WNT4: variants seen among roughly 807,000 people sequenced by gnomAD.
WNT4 encodes protein Wnt-4.
In WNT4, 16 loss-of-function variants were observed where a neutral mutation model predicts 34.5. That is an observed-to-expected ratio of 0.46 (90% CI 0.31 to 0.70). WNT4 has a LOEUF of 0.70. Ranked by LOEUF, WNT4 falls within the 30% of genes least tolerant of loss-of-function variation. The pLI is 0.04. For missense variants in WNT4, 379 were observed against 495.9 expected (o/e 0.76, Z 2.24); for synonymous variants, 200 against 211.9 (o/e 0.94, Z 0.49).
chr1:22,129,653 G>A lies in WNT4; in HGVS notation c.276C>T (p.Leu92=), dbSNP rs16826648. ...FRNRRWNCST[L]DSLPVFGKVV... is the part of the protein sequence containing the mutation. ...CCTTGCCGAAGACGGGCAAGGAGTC[G>A]AGTGTGGAGCAGTTCCAGCGCCGGT... The change falls in exon 2 of 5, where the codon CTC becomes CTT. Residue 92 remains leucine (L), a synonymous_variant. Transcript: ENST00000290167. The A allele has an allele frequency of 1.7e-3, 2,817 of 1,613,726 alleles. 37 individuals carry two copies. The African/African-American group carries it at 0.033, about 19-fold the overall frequency.
At chr1:22,135,626 G>A (rs1352084899) in intron 1 of WNT4, among the ~76,000 whole-genome samples, 2 of 152,198 alleles carry the variant, frequency 1.3e-5, no homozygotes, top group African/African-American at 4.8e-5. Flanking sequence ...CAGTATGGAA[G>A]CCTGTGGTCT....
rs1428180383 is a variant in WNT4, at chr1:22,139,865, CAGT to C, written c.77+2978_77+2980del. ...ACTCTTCATCCATCGGGCCCTCCCT[CAGT>C]GGTGGGAGCCGTCACAAGCTGTCAG... On this transcript the variant is annotated intron_variant, in intron 1 of 4. Transcript: ENST00000290167. This position sits in a 1 kb window ranked among gnomAD's most constrained non-coding sequence, Gnocchi z 4.6. 6.6e-6 allele frequency among the ~76,000 whole-genome samples: 1 copy of C among 152,206 alleles called. No homozygotes were observed. Among genetic ancestry groups the C allele is most frequent in the African/African-American group, 2.4e-5 (1 of 41,446 alleles).
rs758963338 is a variant in WNT4, at chr1:22,121,229, G to T, written c.570C>A (p.Asn190Lys). 3 of 1,614,092 alleles carry T rather than the reference G, an allele frequency of 1.9e-6. No homozygotes were observed. The highest frequency in any genetic ancestry group is 1.3e-5 in the African/African-American group (1 of 75,034). The change falls in exon 4 of 5, where the codon AAC becomes AAA. Residue 190 changes from asparagine (N) to lysine (K), a missense_variant. Physicochemically the swap from Asn to Lys is moderately conservative, Grantham distance 94 (BLOSUM62 0). This residue lies in a region of WNT4 where 313 missense variants were observed against 445.8 expected (regional missense o/e 0.70). Transcript: ENST00000290167. Reference protein sequence around the residue: ...SSSRALMNLHNNEAGRKAILT... With the variant: ...SSSRALMNLHKNEAGRKAILT... ...ACACTACCTTCCTGCCGGCCTCATT[G>T]TTGTGGAGGTTCATGAGGGCTCTGC...
intron 2 of WNT4, 28 bp from the exon 3 acceptor site, chr1:22,121,604 TG>T: frequency 6.2e-7 from 1 of 1,609,278 alleles, no homozygotes; most frequent in Non-Finnish European, 8.5e-7. Flanking sequence ...AGGGCAGAGC[TG>T]GGTCCCAGGG....
chr1:22,141,368 C>T (rs546153812), intron 1 of WNT4, among the ~76,000 whole-genome samples: 7 of 152,206 alleles, frequency 4.6e-5, no homozygotes, highest in East Asian at 1.9e-4. Flanking sequence ...TGGAGGCCCC[C>T]GCTCTGAACC....
In WNT4 at chr1:22,119,187, CGTGTGTGTGTGTGT is replaced by C. The variant is rs71016989; in HGVS notation, c.*849_*862del. On this transcript the variant is annotated 3_prime_UTR_variant, in exon 5 of 5. Transcript: ENST00000290167. Reference sequence around the variant, plus strand: ...TCTCTCGCAGGTGTGTGTGTGTGTCCGTGTGTGTGTGTGTGTGTGTGTGTGTGTGTGTGTGTGTG... The same window carrying C: ...TCTCTCGCAGGTGTGTGTGTGTGTCCGTGTGTGTGTGTGTGTGTGTGTGTG... 1 of 34,822 alleles carries C rather than the reference CGTGTGTGTGTGTGT, an allele frequency of 2.9e-5. No homozygotes were observed. The highest frequency in any genetic ancestry group is 5.6e-5 in the Non-Finnish European group (1 of 17,880). 2.2% of individuals were successfully genotyped at this position (34,822 alleles called of 1,614,324 possible). A position where few individuals can be genotyped will look rare whatever the true frequency, so the allele number is the denominator to read the frequency against.
chr1:22,127,151 T>C (rs764130060), intron 2 of WNT4: 11 of 392,120 alleles, frequency 2.8e-5, no homozygotes, highest in Non-Finnish European at 5.4e-5. Flanking sequence ...ACCTGCCGAG[T>C]GTGACTGGCT....
intron 2 of WNT4, among the ~76,000 whole-genome samples, chr1:22,123,102 G>T (rs1645915133): frequency 6.6e-6 from 1 of 152,208 alleles, no homozygotes; most frequent in Non-Finnish European, 1.5e-5. Flanking sequence ...TCAGTTTCTG[G>T]TATTTCTGGT....
At chr1:22,125,833 TCCCTCCCA>T (rs1312413472) in intron 2 of WNT4, among the ~76,000 whole-genome samples, 1 of 152,176 alleles carries the variant, frequency 6.6e-6, no homozygotes. Flanking sequence ...CGCTATGGCC[TCCCTCCCA>T]CCCTCACACC....
rs938682094 is a variant in WNT4, at chr1:22,120,314, C to T, written c.792G>A (p.Pro264=). 51 of 1,614,228 alleles carry T rather than the reference C, an allele frequency of 3.2e-5. No individual in the cohort carries two copies. The highest frequency in any genetic ancestry group is 4.0e-5 in the Non-Finnish European group (47 of 1,180,044). ...ALVPRNAQFK[P]HTDEDLVYLE... is the part of the protein sequence containing the mutation. ...AGTACACCAGGTCCTCATCTGTGTGCGGCTTGAACTGTGCGTTGCGTGGCA... is the reference window on the plus strand; with the variant it reads ...AGTACACCAGGTCCTCATCTGTGTGTGGCTTGAACTGTGCGTTGCGTGGCA... The change falls in exon 5 of 5, where the codon CCG becomes CCA. Residue 264 remains proline (P), a synonymous_variant. Coordinates refer to ENST00000290167, the MANE Select transcript of WNT4 (RefSeq NM_030761.5).
chr1:22,132,594 T>C (rs1162342978), intron 1 of WNT4, among the ~76,000 whole-genome samples: 1 of 152,048 alleles, frequency 6.6e-6, no homozygotes, highest in Non-Finnish European at 1.5e-5. Context: ...ATTGAATAAG[T>C]AGTAAGATGG....
At chr1:22,120,666 G>T in intron 4 of WNT4, 149 bp from the exon 5 acceptor site, 1 of 765,708 alleles carries the variant, frequency 1.3e-6, no homozygotes, top group Non-Finnish European at 2.1e-6. Flanking sequence ...GAATTACGCG[G>T]TACTGGGCTG....
At position 22,120,218 on chromosome 1, in the gene WNT4, G is replaced by A; in HGVS notation, c.888C>T (p.Cys296=). 5 of 1,614,040 alleles carry A rather than the reference G, an allele frequency of 3.1e-6. No individual in the cohort carries two copies. The highest frequency in any genetic ancestry group is 4.2e-6 in the Non-Finnish European group (5 of 1,180,006). Residue 296 remains cysteine, a synonymous_variant, in exon 5 of 5, where the codon TGC becomes TGT. Transcript: ENST00000290167. Reference sequence around the variant, plus strand: ...CGTCGATGGCCTTGGACGTCTTGTTGCATGTGCGGCCCCTCGTGCCCAGCA... The same window carrying A: ...CGTCGATGGCCTTGGACGTCTTGTTACATGTGCGGCCCCTCGTGCCCAGCA... ...SGVLGTRGRT[C]NKTSKAIDGC... is the part of the protein sequence containing the mutation.
chr1:22,121,377 G>A, intron 3 of WNT4, 24 bp from the exon 4 acceptor site: 1 of 1,613,998 alleles, frequency 6.2e-7, no homozygotes, highest in Non-Finnish European at 8.5e-7. Flanking sequence ...GGCACAGAAA[G>A]GGCTGCGGTG....
rs1645878715 is a variant in WNT4, at chr1:22,119,773, C to CT, written c.*276dup. The CT allele has an allele frequency of 1.8e-6, 1 of 552,962 alleles. No homozygotes were observed. The highest frequency in any genetic ancestry group is 3.1e-5 in the Admixed American group (1 of 32,270). 34.3% of individuals were successfully genotyped at this position (552,962 alleles called of 1,614,324 possible). A position where few individuals can be genotyped will look rare whatever the true frequency, so the allele number is the denominator to read the frequency against. ...GTAGAAAAACGGACACAGATAACAACTGAGTGGTCAGTGGCAGCCACATGC... is the reference window on the plus strand; with the variant it reads ...GTAGAAAAACGGACACAGATAACAACTTGAGTGGTCAGTGGCAGCCACATGC... On this transcript the variant is annotated 3_prime_UTR_variant, in exon 5 of 5. Transcript: ENST00000290167.
rs1368044752 is a variant in WNT4, at chr1:22,121,250, T to C, written c.549A>G (p.Arg183=). Residue 183 remains arginine, a synonymous_variant, in exon 4 of 5, where the codon AGA becomes AGG. Transcript: ENST00000290167. ...RERSKGASSS[R]ALMNLHNNEA... ...CATTGTTGTGGAGGTTCATGAGGGC[T>C]CTGCTGGACGAGGCCCCCTTGCTTC... 12 of 1,614,158 alleles carry C rather than the reference T, an allele frequency of 7.4e-6. No individual in the cohort carries two copies. The highest frequency in any genetic ancestry group is 1.0e-5 in the Non-Finnish European group (12 of 1,180,032).
At position 22,142,733 on chromosome 1, in the gene WNT4, G is replaced by A. The variant is rs977435155; in HGVS notation, c.77+113C>T. Reference sequence around the variant, plus strand: ...CGAGCGAGCCTCCGGTCCCGCGGCCGAGACACCTGCCGGGCTGCCCCGCGC... The same window carrying A: ...CGAGCGAGCCTCCGGTCCCGCGGCCAAGACACCTGCCGGGCTGCCCCGCGC... On this transcript the variant is annotated intron_variant, in intron 1 of 4. Transcript: ENST00000290167. The surrounding 1 kb of genome is among the most constrained non-coding windows in gnomAD (Gnocchi z 6.0). 1.5e-5 allele frequency: 11 copies of A among 752,758 alleles called. No individual in the cohort carries two copies. Among genetic ancestry groups the A allele is most frequent in the East Asian group, 2.6e-4 (2 of 7,688 alleles). 46.6% of individuals were successfully genotyped at this position (752,758 alleles called of 1,614,324 possible).
At position 22,120,450 on chromosome 1, in the gene WNT4, G is replaced by A; in HGVS notation, c.656C>T (p.Thr219Met). 1.2e-6 allele frequency: 2 copies of A among 1,613,714 alleles called. No homozygotes were observed. The highest frequency in any genetic ancestry group is 8.5e-7 in the Non-Finnish European group (1 of 1,179,906). Residue 219 changes from threonine (T) to methionine (M), a missense_variant, in exon 5 of 5, where the codon ACG (threonine) becomes ATG (methionine). Physicochemically the swap from Thr to Met is moderately conservative, Grantham distance 81. This residue lies in a region of WNT4 where 313 missense variants were observed against 445.8 expected (regional missense o/e 0.70). Coordinates refer to ENST00000290167, the MANE Select transcript of WNT4 (RefSeq NM_030761.5). ...GAAGGGCGGCACGGCTCGCCAGCACGTCTTTACCTCACAGGAGCCTGACAC... is the reference window on the plus strand; with the variant it reads ...GAAGGGCGGCACGGCTCGCCAGCACATCTTTACCTCACAGGAGCCTGACAC... ...HGVSGSCEVK[T>M]CWRAVPPFRQ...
rs1464192738 is a variant in WNT4 at position 22,140,010 on chromosome 1, G to A, written c.77+2836C>T. ...GCTCCATCCTGCCCAACAGCTGCAC[G>A]CGGCGGGACACCTGGCCTCCCCACC... is the stretch of plus-strand genomic sequence containing the variant. On this transcript the variant is annotated intron_variant, in intron 1 of 4. Coordinates refer to ENST00000290167, the MANE Select transcript of WNT4 (RefSeq NM_030761.5). The surrounding 1 kb of genome is among the most constrained non-coding windows in gnomAD (Gnocchi z 5.9). Among the ~76,000 whole-genome samples, 1 of 152,210 alleles carries A rather than the reference G, an allele frequency of 6.6e-6. No individual in the cohort carries two copies. The highest frequency in any genetic ancestry group is 2.4e-5 in the African/African-American group (1 of 41,454).
Sources: gnomAD v4.1 joint callset for allele counts (sites outside exome capture counted in the v4.1 genomes callset) on GRCh38, gnomAD v4.1.1 for gene constraint, gnomAD v4.1.1 regional missense constraint, Gnocchi (gnomAD v3.1) non-coding constraint, MANE v1.5 for transcripts, NCBI Gene and HGNC (gene_info 2026-07-23, HGNC 2026-07-21) for gene names.